SIPA1L3: variants seen among roughly 807,000 people sequenced by gnomAD.
SIPA1L3 encodes the protein signal induced proliferation associated 1 like 3.
In SIPA1L3, 59 loss-of-function variants were observed where a neutral mutation model predicts 150.1. The observed-to-expected ratio is 0.39, with a 90% CI of 0.32 to 0.49. The LOEUF is 0.49. Ranked by LOEUF, SIPA1L3 falls within the 20% of genes least tolerant of loss-of-function variation. The pLI, the probability that SIPA1L3 is intolerant of heterozygous loss-of-function variation, is 0.86. For synonymous variants in SIPA1L3, 1,070 were observed against 1,077.6 expected, an observed-to-expected ratio of 0.99 and a Z score of 0.14; for missense variants, 2,211 against 2,489.5, an observed-to-expected ratio of 0.89 and a Z score of 2.38.
chr19:38,195,478 G>A (rs1424276899), intron 18 of SIPA1L3, among the ~76,000 whole-genome samples: 1 of 152,098 alleles, frequency 6.6e-6, no homozygotes, highest in African/African-American at 2.4e-5. Context: ...TCACAGGGCT[G>A]CCACTTTAGT....
At chr19:38,058,589 C>A (rs575911844) in intron 2 of SIPA1L3, among the ~76,000 whole-genome samples, 1 of 152,068 alleles carries the variant, frequency 6.6e-6, no homozygotes, top group African/African-American at 2.4e-5. Flanking sequence ...TTCATCCAGG[C>A]GAAGTGGCCC....
chr19:37,934,090 A>T (rs2046579231), intron 1 of SIPA1L3, among the ~76,000 whole-genome samples: 1 of 152,130 alleles, frequency 6.6e-6, no homozygotes, highest in South Asian at 2.1e-4. Flanking sequence ...AGCGCGAAGA[A>T]TCTGACCGTG....
chr19:38,038,463 G>A (rs946416492), intron 2 of SIPA1L3, among the ~76,000 whole-genome samples: 2 of 151,908 alleles, frequency 1.3e-5, no homozygotes, highest in African/African-American at 2.4e-5. Flanking sequence ...GGTGGTGGGC[G>A]CCTGTAATCC....
intron 1 of SIPA1L3, among the ~76,000 whole-genome samples, chr19:37,979,312 G>A (rs1967145942): frequency 6.6e-6 from 1 of 152,094 alleles, no homozygotes; most frequent in Non-Finnish European, 1.5e-5. Context: ...ACTTTGGGAG[G>A]CCGAGGCAGG....
chr19:37,951,893 CAAAAA>C (rs5827992), intron 1 of SIPA1L3, among the ~76,000 whole-genome samples: 8 of 83,886 alleles, frequency 9.5e-5, no homozygotes, highest in Admixed American at 1.4e-4. Context: ...AAGACTGTCT[CAAAAA>C]AAAAAAAAAA....
At chr19:37,909,519 T>G (rs113759810) in intron 1 of SIPA1L3, among the ~76,000 whole-genome samples, 2,096 of 152,210 alleles carry the variant, frequency 0.014, 39 homozygotes, top group African/African-American at 0.047. Flanking sequence ...TGTGACAAGG[T>G]TAAGTCAAGT....
chr19:38,073,011 G>C (rs189011473), intron 2 of SIPA1L3, among the ~76,000 whole-genome samples: 2 of 152,222 alleles, frequency 1.3e-5, no homozygotes, highest in Non-Finnish European at 2.9e-5. Flanking sequence ...CTGGCCCAGA[G>C]GCAATCAGGA....
chr19:37,910,530 GAAA>G (rs571813302), intron 1 of SIPA1L3, among the ~76,000 whole-genome samples: 1 of 104,032 alleles, frequency 9.6e-6, no homozygotes. Context: ...CCCTGTCTCA[GAAA>G]AAAAAAAAAA....
At chr19:38,034,689 A>G (rs1305110187) in intron 2 of SIPA1L3, among the ~76,000 whole-genome samples, 1 of 152,052 alleles carries the variant, frequency 6.6e-6, no homozygotes, top group East Asian at 1.9e-4. Flanking sequence ...ACTACCTCCC[A>G]CTGGTTCAGG....
intron 1 of SIPA1L3, among the ~76,000 whole-genome samples, chr19:38,005,262 A>T (rs1249074510): frequency 6.6e-6 from 1 of 151,702 alleles, no homozygotes; most frequent in Non-Finnish European, 1.5e-5. Context: ...TGACACTAAA[A>T]CCTCATTGCA....
chr19:38,128,565 A>G (rs180796036), intron 9 of SIPA1L3, among the ~76,000 whole-genome samples: 43 of 152,304 alleles, frequency 2.8e-4, no homozygotes, highest in Non-Finnish European at 4.7e-4. Flanking sequence ...AATTATTTCT[A>G]AAACACGAAT....
intron 9 of SIPA1L3, among the ~76,000 whole-genome samples, chr19:38,121,224 G>A (rs1384128247): frequency 1.3e-5 from 2 of 152,080 alleles, no homozygotes; most frequent in Non-Finnish European, 2.9e-5. Context: ...AGATCATGAG[G>A]TCAGGAGATC....
intron 14 of SIPA1L3, among the ~76,000 whole-genome samples, chr19:38,163,835 G>A (rs904460403): frequency 2.6e-5 from 4 of 152,206 alleles, no homozygotes; most frequent in East Asian, 1.9e-4. Flanking sequence ...TGTGCCTGGA[G>A]TAAGATGGAG....
At position 37,979,250 on chromosome 19, in the gene SIPA1L3, A is replaced by G. The variant is rs375842039; in HGVS notation, c.-378-49839A>G. Among the ~76,000 whole-genome samples, 34 of 152,166 alleles carry G rather than the reference A, an allele frequency of 2.2e-4. No individual in the cohort carries two copies. The South Asian group carries it at 2.7e-3, about 12-fold the overall frequency. Reference sequence around the variant, plus strand: ...ACACTATTTCATGCCACGTAAACCTATATGAAATTTAGGTTTCGCCAGGCA... The same window carrying G: ...ACACTATTTCATGCCACGTAAACCTGTATGAAATTTAGGTTTCGCCAGGCA... On this transcript the variant is annotated intron_variant, in intron 1 of 21. Transcript: ENST00000222345.
intron 13 of SIPA1L3, among the ~76,000 whole-genome samples, chr19:38,157,989 C>T (rs1290002419): frequency 6.6e-6 from 1 of 152,146 alleles, no homozygotes; most frequent in Non-Finnish European, 1.5e-5. Flanking sequence ...GTCTGTAATC[C>T]CAGCACTTTC....
chr19:38,130,859 C>G, intron 10 of SIPA1L3, 87 bp downstream of exon 10: 1 of 1,425,384 alleles, frequency 7.0e-7, no homozygotes, highest in African/African-American at 1.4e-5. Context: ...CACTTGAGGT[C>G]CCAATAGAGG....
chr19:37,908,176 G>T lies in SIPA1L3; in HGVS notation c.-379+818G>T, dbSNP rs373006001. On this transcript the variant is annotated intron_variant, in intron 1 of 21. Coordinates refer to ENST00000222345, the MANE Select transcript of SIPA1L3 (RefSeq NM_015073.3). ...GTGGCCCAGAGACCCTCTGAGGGTG[G>T]GGCTCTGGCCGTAGTATTGGTCACC... Among the ~76,000 whole-genome samples the T allele has an allele frequency of 2.6e-4, 39 of 152,266 alleles. No homozygotes were observed. In the South Asian group the frequency reaches 8.1e-3, roughly 32 times the overall value.
intron 2 of SIPA1L3, among the ~76,000 whole-genome samples, chr19:38,071,101 C>G (rs1969704799): frequency 6.6e-6 from 1 of 152,216 alleles, no homozygotes; most frequent in East Asian, 1.9e-4. Context: ...GGGCACCAAG[C>G]AGGCCCTGCT....
chr19:37,973,221 A>G (rs964537690), intron 1 of SIPA1L3, among the ~76,000 whole-genome samples: 5 of 148,500 alleles, frequency 3.4e-5, no homozygotes, highest in African/African-American at 1.0e-4. Flanking sequence ...ATGGTGTATG[A>G]AAAAAAAGCG....
Sources: gnomAD v4.1 joint callset for allele counts (sites outside exome capture counted in the v4.1 genomes callset) on GRCh38, gnomAD v4.1.1 for gene constraint, MANE v1.5 for transcripts, NCBI Gene and HGNC (gene_info 2026-07-23, HGNC 2026-07-21) for gene names.